The following CNTN4 variants were observed in gnomAD, a reference collection of about 807,000 sequenced individuals.
The protein encoded by CNTN4 is contactin-4.
In CNTN4, 77 loss-of-function variants were observed where a neutral mutation model predicts 122.5. The observed-to-expected ratio is 0.63, with a 90% CI of 0.52 to 0.76. CNTN4 has a LOEUF of 0.76. Ranked by LOEUF, CNTN4 falls within the 30% of genes least tolerant of loss-of-function variation. The pLI, the probability that CNTN4 is intolerant of heterozygous loss-of-function variation, is 0.00. For synonymous variants in CNTN4, 512 were observed against 447.0 expected (o/e 1.15, Z -1.83); for missense variants, 1,256 against 1,259.1 (o/e 1.00, Z 0.04).
At chr3:2,992,691 T>C (rs1577537465) in intron 14 of CNTN4, among the ~76,000 whole-genome samples, 1 of 152,172 alleles carries the variant, frequency 6.6e-6, no homozygotes, top group South Asian at 2.1e-4. Context: ...CTCACTCCTA[T>C]TGATTATCTC....
At chr3:2,755,676 G>A (rs954098957) in intron 6 of CNTN4, among the ~76,000 whole-genome samples, 2 of 152,158 alleles carry the variant, frequency 1.3e-5, no homozygotes, top group African/African-American at 4.8e-5. Flanking sequence ...TCATCCCACA[G>A]TCCAGTTTGG....
At chr3:2,713,803 A>G (rs569201471) in intron 4 of CNTN4, among the ~76,000 whole-genome samples, 6 of 152,316 alleles carry the variant, frequency 3.9e-5, no homozygotes, top group East Asian at 1.9e-4. Context: ...TGTACAAACA[A>G]TAGGCTTTAG....
intron 3 of CNTN4, among the ~76,000 whole-genome samples, chr3:2,401,927 T>A (rs2046873116): frequency 6.6e-6 from 1 of 152,180 alleles, no homozygotes; most frequent in African/African-American, 2.4e-5. Flanking sequence ...GGATTTTTAG[T>A]TTCTCAGAGG....
chr3:2,849,896 A>G (rs2093517965), intron 7 of CNTN4, among the ~76,000 whole-genome samples: 1 of 152,118 alleles, frequency 6.6e-6, no homozygotes, highest in Non-Finnish European at 1.5e-5. Context: ...ATACAGGTTC[A>G]GTAGTGCCTG....
chr3:2,147,095 G>T (rs1644890807), intron 2 of CNTN4, among the ~76,000 whole-genome samples: 1 of 152,000 alleles, frequency 6.6e-6, no homozygotes, highest in Non-Finnish European at 1.5e-5. Flanking sequence ...TGGCCAGGAT[G>T]GTCTTGATCT....
Position 2,961,510 on chromosome 3 carries a change from A to G in CNTN4, c.1359-26835A>G, listed in dbSNP as rs117388724. ...AAAAACTATAGGACTGTCTCCTTATAGCAAATGACAACCCTTGAGAGCATA... is the reference window on the plus strand; with the variant it reads ...AAAAACTATAGGACTGTCTCCTTATGGCAAATGACAACCCTTGAGAGCATA... On this transcript the variant is annotated intron_variant, in intron 13 of 24. Transcript: ENST00000418658. 5.4e-4 allele frequency among the ~76,000 whole-genome samples: 82 copies of G among 152,258 alleles called. No individual in the cohort carries two copies. The East Asian group carries it at 0.015, about 28-fold the overall frequency.
At chr3:2,225,618 T>G (rs1359290772) in intron 2 of CNTN4, among the ~76,000 whole-genome samples, 2 of 152,240 alleles carry the variant, frequency 1.3e-5, no homozygotes, top group Non-Finnish European at 2.9e-5. Context: ...ATCTCACGAC[T>G]TTTCTATTCT....
At position 2,124,473 on chromosome 3, in the gene CNTN4, C is replaced by CACACA. The variant is rs1553570119; in HGVS notation, c.-145+23834_-145+23835insACACA. Among the ~76,000 whole-genome samples the CACACA allele has an allele frequency of 7.2e-3, 1,053 of 147,158 alleles. 14 individuals are homozygous for CACACA. Among genetic ancestry groups the CACACA allele is most frequent in the East Asian group, 0.033 (165 of 4,982 alleles). On this transcript the variant is annotated intron_variant, in intron 2 of 24. Coordinates refer to ENST00000418658, the MANE Select transcript of CNTN4 (RefSeq NM_175607.3). ...ACACACACACACACACACACACACA[C>CACACA]CCCCTTAAGCAAGGTATGCTGGCTC...
chr3:2,446,412 T>A (rs933287569), intron 3 of CNTN4, among the ~76,000 whole-genome samples: 3 of 152,170 alleles, frequency 2.0e-5, no homozygotes, highest in Non-Finnish European at 4.4e-5. Flanking sequence ...GTTTTTCTCT[T>A]CTATAGCCTC....
chr3:2,299,085 T>A (rs1228104812), intron 2 of CNTN4, among the ~76,000 whole-genome samples: 3 of 152,190 alleles, frequency 2.0e-5, no homozygotes. Flanking sequence ...TTCTGACTTG[T>A]ACACAGACAA....
At chr3:2,186,932 T>G (rs1228188174) in intron 2 of CNTN4, among the ~76,000 whole-genome samples, 1 of 152,232 alleles carries the variant, frequency 6.6e-6, no homozygotes, top group Non-Finnish European at 1.5e-5. Context: ...TTAGTTTAAT[T>G]AGATCTCATT....
At chr3:2,537,702 C>T (rs550726541) in intron 3 of CNTN4, among the ~76,000 whole-genome samples, 3 of 152,194 alleles carry the variant, frequency 2.0e-5, no homozygotes, top group Non-Finnish European at 4.4e-5. Flanking sequence ...TTATGGACCA[C>T]GATCATGAGA....
intron 7 of CNTN4, among the ~76,000 whole-genome samples, chr3:2,829,152 T>C (rs1229725547): frequency 6.6e-6 from 1 of 152,210 alleles, no homozygotes; most frequent in African/African-American, 2.4e-5. Flanking sequence ...TCCTCCCTTT[T>C]TTCTCTTCCC....
rs1258321336 is a variant in CNTN4 at position 2,392,451 on chromosome 3, A to T, written c.-89+53218A>T. ...CCTTGTTACCAGATGAAAAATATGCACACAGTCTTCATGTTCAAGGAGAAC... is the reference window on the plus strand; with the variant it reads ...CCTTGTTACCAGATGAAAAATATGCTCACAGTCTTCATGTTCAAGGAGAAC... On this transcript the variant is annotated intron_variant, in intron 3 of 24. Transcript: ENST00000418658. Among the ~76,000 whole-genome samples, 6 of 152,258 alleles carry T rather than the reference A, an allele frequency of 3.9e-5. No homozygotes were observed. The East Asian group carries it at 1.2e-3, about 29-fold the overall frequency.
chr3:2,672,606 G>T (rs972917799), intron 4 of CNTN4, among the ~76,000 whole-genome samples: 1 of 152,134 alleles, frequency 6.6e-6, no homozygotes, highest in African/African-American at 2.4e-5. Flanking sequence ...CACTTGGTGC[G>T]CTGCACGTAC....
At chr3:2,423,485 T>A (rs941012011) in intron 3 of CNTN4, among the ~76,000 whole-genome samples, 1 of 152,058 alleles carries the variant, frequency 6.6e-6, no homozygotes, top group Admixed American at 6.6e-5. Flanking sequence ...AACTTGTTTT[T>A]TTTTTTTTTT....
chr3:2,751,081 C>CCCT (rs1289821595), intron 6 of CNTN4, among the ~76,000 whole-genome samples: 1 of 151,998 alleles, frequency 6.6e-6, no homozygotes, highest in African/African-American at 2.4e-5. Flanking sequence ...GCGAGTGGAT[C>CCCT]ACGAGGTCAG....
intron 1 of CNTN4, chr3:2,099,883 T>C (rs1288553929): frequency 1.3e-5 from 2 of 152,282 alleles, no homozygotes; most frequent in African/African-American, 2.4e-5. Context: ...GTGCTTCGTG[T>C]ATATGTTTTA....
At chr3:2,258,169 G>C (rs1299570380) in intron 2 of CNTN4, among the ~76,000 whole-genome samples, 1 of 152,154 alleles carries the variant, frequency 6.6e-6, no homozygotes, top group Non-Finnish European at 1.5e-5. Context: ...TTCAACTATT[G>C]CGGAAGACAG....
Sources: allele counts gnomAD v4.1 joint callset (sites outside exome capture counted in the v4.1 genomes callset), GRCh38; gene constraint gnomAD v4.1.1; transcripts MANE v1.5; gene names NCBI Gene and HGNC (gene_info 2026-07-23, HGNC 2026-07-21).